ADGRL2: variants seen among roughly 807,000 people sequenced by gnomAD.
ADGRL2 encodes calcium-independent alpha-latrotoxin receptor 2.
Under a neutral mutation model 157.4 loss-of-function variants are expected in ADGRL2, and 44 were observed. The ratio of observed to expected loss-of-function variants is 0.28; its 90% confidence interval spans 0.22 to 0.36. ADGRL2 has a LOEUF of 0.36. Among genes scored for constraint, ADGRL2 ranks in the 10% least tolerant of loss-of-function variants. The pLI is 1.00. For missense variants in ADGRL2, 1,510 were observed against 1,768.9 expected (o/e 0.85, Z 2.63); for synonymous variants, 585 against 624.7 (o/e 0.94, Z 0.95).
At position 81,951,992 on chromosome 1, in the gene ADGRL2, T is replaced by C. The variant is rs1651979377; in HGVS notation, c.1644T>C (p.Asn548=). The C allele has an allele frequency of 6.2e-7, 1 of 1,610,868 alleles. No individual in the cohort carries two copies. Among genetic ancestry groups the C allele is most frequent in the Non-Finnish European group, 8.5e-7 (1 of 1,178,184 alleles). ...RSGENAASLA[N]ELAKHTKGPV... ...GAGAAAATGCTGCTAGTCTTGCCAA[T>C]GAACTGGCTAAACATACCAAAGGGC... The change falls in exon 9 of 24, where the codon AAT becomes AAC. Residue 548 remains asparagine (N), a synonymous_variant. Transcript: ENST00000686636.
chr1:81,703,912 T>G (rs541053821), intron 1 of ADGRL2, among the ~76,000 whole-genome samples: 6 of 152,176 alleles, frequency 3.9e-5, no homozygotes, highest in East Asian at 1.9e-4. Context: ...AGGAAGGAAG[T>G]GTGGGGCAGA....
intron 1 of ADGRL2, among the ~76,000 whole-genome samples, chr1:81,423,919 C>T (rs1379428446): frequency 6.6e-6 from 1 of 152,200 alleles, no homozygotes; most frequent in East Asian, 1.9e-4. Flanking sequence ...ATCTTGCTCA[C>T]TCTCATCCTG....
At chr1:81,637,440 T>A (rs773432618) in intron 3 of ADGRL2, among the ~76,000 whole-genome samples, 21 of 152,274 alleles carry the variant, frequency 1.4e-4, no homozygotes, top group Admixed American at 2.6e-4. Flanking sequence ...CCAAGGGCCC[T>A]TTCTTCCACT....
chr1:81,981,062 ACTTT>A (rs1306591541), intron 18 of ADGRL2: 14 of 427,842 alleles, frequency 3.3e-5, no homozygotes, highest in Non-Finnish European at 5.3e-5. Context: ...CTTTCTTATT[ACTTT>A]CTATTTTAAT....
chr1:81,789,302 A>T (rs1188395606), intron 2 of ADGRL2, among the ~76,000 whole-genome samples: 1 of 152,222 alleles, frequency 6.6e-6, no homozygotes, highest in Non-Finnish European at 1.5e-5. Context: ...GTTCTATGAT[A>T]ATCAATGTTT....
At chr1:81,477,301 C>T (rs561739035) in intron 2 of ADGRL2, among the ~76,000 whole-genome samples, 115 of 152,330 alleles carry the variant, frequency 7.5e-4, no homozygotes, top group African/African-American at 2.7e-3. Flanking sequence ...AGAATTACTC[C>T]TAACACCTGA....
chr1:81,715,979 C>T (rs1372639659), intron 1 of ADGRL2, among the ~76,000 whole-genome samples: 2 of 152,058 alleles, frequency 1.3e-5, no homozygotes, highest in East Asian at 1.9e-4. Context: ...CCCACAGCAT[C>T]GTAATTGCTC....
chr1:81,825,167 G>A (rs2091354280), intron 1 of ADGRL2, among the ~76,000 whole-genome samples: 2 of 152,080 alleles, frequency 1.3e-5, no homozygotes, highest in Admixed American at 1.3e-4. Flanking sequence ...ACAACTTAGA[G>A]TCCTGTTTCT....
chr1:81,505,620 C>T (rs2078956484), intron 2 of ADGRL2, among the ~76,000 whole-genome samples: 1 of 150,706 alleles, frequency 6.6e-6, no homozygotes, highest in South Asian at 2.1e-4. Context: ...CCTGAAGGTG[C>T]CATCAGCCAG....
At chr1:81,668,455 GC>G (rs2082798668) in intron 3 of ADGRL2, among the ~76,000 whole-genome samples, 1 of 151,118 alleles carries the variant, frequency 6.6e-6, no homozygotes, top group African/African-American at 2.4e-5. Context: ...ATTATAGCTT[GC>G]CCCCTTGTGT....
At chr1:81,529,731 C>G (rs1194917346) in intron 2 of ADGRL2, among the ~76,000 whole-genome samples, 1 of 152,166 alleles carries the variant, frequency 6.6e-6, no homozygotes, top group Non-Finnish European at 1.5e-5. Context: ...CTTACACAAA[C>G]AGTGACTCTG....
intron 2 of ADGRL2, among the ~76,000 whole-genome samples, chr1:81,901,795 A>G (rs1030858647): frequency 2.6e-5 from 4 of 152,174 alleles, no homozygotes; most frequent in Admixed American, 6.5e-5. Flanking sequence ...TGTTGGTGGA[A>G]GAGGTTGAGC....
At chr1:81,577,186 A>G (rs932733118) in intron 2 of ADGRL2, among the ~76,000 whole-genome samples, 1 of 152,114 alleles carries the variant, frequency 6.6e-6, no homozygotes, top group Non-Finnish European at 1.5e-5. Flanking sequence ...GACAGGCACT[A>G]TCTCTGCTGA....
At chr1:81,964,096 C>G (rs1464858833) in intron 11 of ADGRL2, among the ~76,000 whole-genome samples, 3 of 151,824 alleles carry the variant, frequency 2.0e-5, no homozygotes, top group Non-Finnish European at 4.4e-5. Context: ...CTACTGAGAG[C>G]TGTAGTCATG....
chr1:81,758,679 A>T (rs1557626129), intron 1 of ADGRL2, among the ~76,000 whole-genome samples: 1 of 152,228 alleles, frequency 6.6e-6, no homozygotes, highest in Non-Finnish European at 1.5e-5. Flanking sequence ...TCAGAATTTA[A>T]GAACGGAAAA....
At chr1:81,761,529 A>T (rs2085881000) in intron 1 of ADGRL2, among the ~76,000 whole-genome samples, 2 of 152,136 alleles carry the variant, frequency 1.3e-5, no homozygotes, top group Non-Finnish European at 2.9e-5. Context: ...GAGTGAAAAA[A>T]AAATTTATTG....
chr1:81,755,148 TTA>T lies in ADGRL2; in HGVS notation c.-142-6647_-142-6646del, dbSNP rs5775638. On this transcript the variant is annotated intron_variant, in intron 1 of 20. Transcript: ENST00000359929. ...TAGATTTAAAGATATATATATGTGT[TTA>T]TATATATATATATATTTAAAGATAT... Among the ~76,000 whole-genome samples, 206 of 143,720 alleles carry T rather than the reference TTA, an allele frequency of 1.4e-3. 1 individual carries two copies. Among genetic ancestry groups the T allele is most frequent in the Admixed American group, 4.7e-3 (66 of 14,120 alleles). The allele number at this position is 143,720 out of a possible 152,430, so 94.3% of individuals were successfully genotyped here. A position where few individuals can be genotyped will look rare whatever the true frequency, so the allele number is the denominator to read the frequency against.
chr1:81,790,990 C>T (rs1232849380), intron 2 of ADGRL2, among the ~76,000 whole-genome samples: 2 of 137,304 alleles, frequency 1.5e-5, no homozygotes, highest in African/African-American at 2.8e-5. Context: ...CATTTGAGCC[C>T]AGGGAGGTGG....
chr1:81,813,400 T>C (rs114805249), intron 1 of ADGRL2, among the ~76,000 whole-genome samples: 9 of 151,854 alleles, frequency 5.9e-5, no homozygotes, highest in African/African-American at 9.6e-5. Flanking sequence ...AGCTAATCTT[T>C]ACTAATGTGA....
Sources: allele counts gnomAD v4.1 joint callset (sites outside exome capture counted in the v4.1 genomes callset), GRCh38; gene constraint gnomAD v4.1.1; transcripts MANE v1.5; gene names NCBI Gene and HGNC (gene_info 2026-07-23, HGNC 2026-07-21).